Variants in THRB observed in about 807,000 individuals in gnomAD.
The protein encoded by THRB is thyroid hormone receptor beta.
THRB carries 12 observed loss-of-function variants against 47.8 expected under a neutral mutation model. The ratio of observed to expected loss-of-function variants is 0.25; its 90% confidence interval spans 0.16 to 0.41. The LOEUF (loss-of-function observed/expected upper bound fraction) is 0.41, where lower values mean the gene tolerates loss of function less well. Ranked by LOEUF, THRB falls within the 10% of genes least tolerant of loss-of-function variation. The pLI is 1.00. For missense variants in THRB, 348 were observed against 589.2 expected, an observed-to-expected ratio of 0.59 and a Z score of 4.24; for synonymous variants, 218 against 212.2, an observed-to-expected ratio of 1.03 and a Z score of -0.24.
At chr3:24,445,846 T>C (rs985652712) in intron 1 of THRB, among the ~76,000 whole-genome samples, 1 of 152,168 alleles carries the variant, frequency 6.6e-6, no homozygotes, top group African/African-American at 2.4e-5. Context: ...GCATAAACAT[T>C]CAACCATAGA....
chr3:24,390,282 C>T (rs1158983150), intron 1 of THRB, among the ~76,000 whole-genome samples: 1 of 152,162 alleles, frequency 6.6e-6, no homozygotes, highest in Non-Finnish European at 1.5e-5. Context: ...CCAGCTGAAA[C>T]ACACTTTAGG....
chr3:24,438,975 G>C (rs1356481345), intron 1 of THRB, among the ~76,000 whole-genome samples: 1 of 152,166 alleles, frequency 6.6e-6, no homozygotes. Context: ...AGGGAAGCAA[G>C]GGAGGGCAGG....
At chr3:24,281,888 T>G (rs898582499) in intron 3 of THRB, among the ~76,000 whole-genome samples, 1 of 151,430 alleles carries the variant, frequency 6.6e-6, no homozygotes, top group African/African-American at 2.4e-5. Flanking sequence ...GAGCTACCTA[T>G]CCTAAATATA....
rs558247174 is a variant in THRB at position 24,477,007 on chromosome 3, A to ATTTTTTTTTTTTTTTTTTTTTTTTT, written c.-261+17644_-261+17645insAAAAAAAAAAAAAAAAAAAAAAAAA. 7.5e-4 allele frequency among the ~76,000 whole-genome samples: 95 copies of ATTTTTTTTTTTTTTTTTTTTTTTTT among 126,444 alleles called. 4 individuals carry two copies. Among genetic ancestry groups the ATTTTTTTTTTTTTTTTTTTTTTTTT allele is most frequent in the African/African-American group, 2.8e-3 (90 of 32,292 alleles). 83.0% of individuals were successfully genotyped at this position (126,444 alleles called of 152,430 possible). A position where few individuals can be genotyped will look rare whatever the true frequency, so the allele number is the denominator to read the frequency against. On this transcript the variant is annotated intron_variant, in intron 1 of 10. Transcript: ENST00000646209. Reference sequence around the variant, plus strand: ...GGTATTTATGGTAGTGGTTTTCAAGATTTTTTTTTTTTTTTTTTACTGTAA... The same window carrying ATTTTTTTTTTTTTTTTTTTTTTTTT: ...GGTATTTATGGTAGTGGTTTTCAAGATTTTTTTTTTTTTTTTTTTTTTTTTTTTTTTTTTTTTTTTTTTACTGTAA...
chr3:24,283,807 T>C (rs1191472575), intron 3 of THRB, among the ~76,000 whole-genome samples: 2 of 152,026 alleles, frequency 1.3e-5, no homozygotes, highest in East Asian at 3.9e-4. Flanking sequence ...GAGAGCCAAA[T>C]CATGAGTGAA....
At chr3:24,278,464 A>G (rs1484990574) in intron 3 of THRB, among the ~76,000 whole-genome samples, 1 of 152,212 alleles carries the variant, frequency 6.6e-6, no homozygotes, top group Non-Finnish European at 1.5e-5. Context: ...TGACCTCTAG[A>G]GCTCTGCTCA....
At chr3:24,132,185 A>G (rs2033962938) in intron 9 of THRB, among the ~76,000 whole-genome samples, 1 of 152,202 alleles carries the variant, frequency 6.6e-6, no homozygotes, top group Admixed American at 6.5e-5. Context: ...AGGTGAGACC[A>G]GGATCACTTA....
intron 4 of THRB, among the ~76,000 whole-genome samples, chr3:24,198,299 A>C (rs1484845331): frequency 1.3e-5 from 2 of 152,210 alleles, no homozygotes; most frequent in Admixed American, 6.5e-5. Flanking sequence ...TACTACATTC[A>C]AGAATTGCTA....
At chr3:24,370,940 G>C (rs746823582) in intron 1 of THRB, among the ~76,000 whole-genome samples, 1 of 152,122 alleles carries the variant, frequency 6.6e-6, no homozygotes, top group East Asian at 1.9e-4. Context: ...CATTAATTAA[G>C]CTCTGTTTGC....
In THRB at chr3:24,462,387, GAGA is replaced by G. The variant is rs1213954165; in HGVS notation, c.-261+32262_-261+32264del. Among the ~76,000 whole-genome samples the G allele has an allele frequency of 3.3e-5, 5 of 152,322 alleles. No individual in the cohort carries two copies. In the South Asian group the frequency reaches 8.3e-4, roughly 25 times the overall value. ...TCTAGAATTGCATGTCTCTTGCTATGAGAAGAAGATGAGTTTTTAAGAAAATTC... is the reference window on the plus strand; with the variant it reads ...TCTAGAATTGCATGTCTCTTGCTATGAGAAGATGAGTTTTTAAGAAAATTC... On this transcript the variant is annotated intron_variant, in intron 1 of 10. Coordinates refer to ENST00000646209, the MANE Select transcript of THRB (RefSeq NM_001354712.2).
chr3:24,425,314 G>T (rs1464187735), intron 1 of THRB, among the ~76,000 whole-genome samples: 1 of 151,754 alleles, frequency 6.6e-6, no homozygotes, highest in East Asian at 1.9e-4. Flanking sequence ...TTTAATACAA[G>T]GATGACTTCA....
chr3:24,223,237 A>C (rs1002665879), intron 4 of THRB, among the ~76,000 whole-genome samples: 2 of 152,146 alleles, frequency 1.3e-5, no homozygotes, highest in Non-Finnish European at 2.9e-5. Flanking sequence ...TTTGGTGCAC[A>C]AAGGTAACAA....
intron 4 of THRB, among the ~76,000 whole-genome samples, chr3:24,213,279 G>C (rs2046244574): frequency 6.6e-6 from 1 of 152,170 alleles, no homozygotes; most frequent in South Asian, 2.1e-4. Flanking sequence ...CCTTTATTTA[G>C]TTGATTTGTG....
At chr3:24,379,858 G>T (rs1192128204) in intron 1 of THRB, among the ~76,000 whole-genome samples, 1 of 151,424 alleles carries the variant, frequency 6.6e-6, no homozygotes, top group Non-Finnish European at 1.5e-5. Context: ...AAAAATCATT[G>T]TTACCACCAC....
At chr3:24,462,561 T>C (rs1369333974) in intron 1 of THRB, among the ~76,000 whole-genome samples, 2 of 152,224 alleles carry the variant, frequency 1.3e-5, no homozygotes, top group Non-Finnish European at 2.9e-5. Flanking sequence ...TAATACATAG[T>C]AAAGAAATCA....
intron 1 of THRB, among the ~76,000 whole-genome samples, chr3:24,394,913 T>G (rs1416220295): frequency 6.6e-6 from 1 of 152,132 alleles, no homozygotes; most frequent in Non-Finnish European, 1.5e-5. Context: ...GTGTTTAGAC[T>G]TTATACCAGT....
intron 1 of THRB, among the ~76,000 whole-genome samples, chr3:24,361,359 C>T (rs1018923055): frequency 4.6e-5 from 7 of 152,180 alleles, no homozygotes; most frequent in Admixed American, 1.3e-4. Flanking sequence ...TTGTTTCTGT[C>T]GATATACATA....
intron 8 of THRB, among the ~76,000 whole-genome samples, chr3:24,136,902 C>T (rs558443072): frequency 1.3e-5 from 2 of 152,352 alleles, no homozygotes; most frequent in East Asian, 1.9e-4. Context: ...GCCTTCTCTC[C>T]AGACTTTTGC....
chr3:24,269,277 C>CCA (rs4024153), intron 3 of THRB, among the ~76,000 whole-genome samples: 4,277 of 140,568 alleles, frequency 0.03, 70 homozygotes, highest in Admixed American at 0.053. Flanking sequence ...AATGGATACA[C>CCA]CACACACACA....
Sources: allele counts gnomAD v4.1 joint callset (sites outside exome capture counted in the v4.1 genomes callset), GRCh38; gene constraint gnomAD v4.1.1; transcripts MANE v1.5; gene names NCBI Gene and HGNC (gene_info 2026-07-23, HGNC 2026-07-21).